Variants in NXPH1 observed in about 807,000 individuals in gnomAD.
The protein encoded by NXPH1 is neurexophilin-1.
A neutral mutation model predicts 23.7 loss-of-function variants in NXPH1; 5 were observed. That is an observed-to-expected ratio of 0.21 (90% CI 0.11 to 0.44). The LOEUF is 0.44. NXPH1 is among the 20% of genes least tolerant of loss of function. The probability of loss-of-function intolerance (pLI) is 0.99; values close to 1 mark genes in which losing one functional copy is unlikely to be tolerated. For synonymous variants in NXPH1, 144 were observed against 122.2 expected (o/e 1.18, Z -1.18); for missense variants, 324 against 321.6 (o/e 1.01, Z -0.06).
chr7:8,685,555 G>A (rs1007974168), intron 2 of NXPH1, among the ~76,000 whole-genome samples: 12 of 151,906 alleles, frequency 7.9e-5, no homozygotes, highest in African/African-American at 1.7e-4. Flanking sequence ...TGTAAACAGC[G>A]CTACACAAAA....
intron 2 of NXPH1, among the ~76,000 whole-genome samples, chr7:8,498,534 T>A (rs1817377300): frequency 6.6e-6 from 1 of 152,122 alleles, no homozygotes; most frequent in Non-Finnish European, 1.5e-5. Flanking sequence ...AATTTCAGGA[T>A]GAGATTGATT....
rs531176482 is a variant in NXPH1, at chr7:8,479,140, T to C, written c.54+43373T>C. 2.0e-4 allele frequency among the ~76,000 whole-genome samples: 30 copies of C among 152,220 alleles called. No homozygotes were observed. The South Asian group carries it at 5.4e-3, about 27-fold the overall frequency. The stretch of plus-strand genomic sequence containing the variant: ...CATATAGTTACTTGTAGAACTAAGA[T>C]TAAATGAGGGTTAAAGATCAAGTAT... On this transcript the variant is annotated intron_variant, in intron 2 of 2. Transcript: ENST00000405863.
intron 2 of NXPH1, among the ~76,000 whole-genome samples, chr7:8,524,156 C>T (rs1026369156): frequency 6.9e-6 from 1 of 145,822 alleles, no homozygotes; most frequent in Non-Finnish European, 1.5e-5. Context: ...GCAGGAGAAT[C>T]GCTTGAACCT....
At chr7:8,593,323 A>T (rs1819143717) in intron 2 of NXPH1, among the ~76,000 whole-genome samples, 1 of 151,942 alleles carries the variant, frequency 6.6e-6, no homozygotes, top group Non-Finnish European at 1.5e-5. Context: ...AATCATATTT[A>T]TATTGCCCAC....
chr7:8,634,775 T>C (rs1369079655), intron 2 of NXPH1, among the ~76,000 whole-genome samples: 2 of 151,180 alleles, frequency 1.3e-5, no homozygotes, highest in African/African-American at 4.9e-5. Flanking sequence ...TATATCTATC[T>C]TCTTACTTAA....
chr7:8,743,238 T>G (rs575119651), intron 2 of NXPH1, among the ~76,000 whole-genome samples: 1 of 152,170 alleles, frequency 6.6e-6, no homozygotes, highest in Non-Finnish European at 1.5e-5. Context: ...TAAATATAAA[T>G]TTTTCAAAGC....
chr7:8,500,138 AG>A (rs1230321611), intron 2 of NXPH1, among the ~76,000 whole-genome samples: 1 of 152,106 alleles, frequency 6.6e-6, no homozygotes, highest in Non-Finnish European at 1.5e-5. Context: ...CCTCGCCATC[AG>A]GTCAAGATCC....
At chr7:8,520,051 A>G (rs1817745602) in intron 2 of NXPH1, among the ~76,000 whole-genome samples, 1 of 152,140 alleles carries the variant, frequency 6.6e-6, no homozygotes. Flanking sequence ...TAATATATAT[A>G]TTTTCATTAT....
intron 2 of NXPH1, among the ~76,000 whole-genome samples, chr7:8,548,668 G>C (rs1334389681): frequency 6.6e-6 from 1 of 151,476 alleles, no homozygotes; most frequent in Non-Finnish European, 1.5e-5. Context: ...CTGATTTATG[G>C]AGTTGGCATT....
intron 2 of NXPH1, among the ~76,000 whole-genome samples, chr7:8,636,533 A>G (rs988566418): frequency 6.6e-6 from 1 of 152,224 alleles, no homozygotes; most frequent in African/African-American, 2.4e-5. Flanking sequence ...TTAAAAAGGA[A>G]AGGGCAAACC....
At chr7:8,572,918 C>T (rs1305179244) in intron 2 of NXPH1, among the ~76,000 whole-genome samples, 1 of 151,640 alleles carries the variant, frequency 6.6e-6, no homozygotes, top group Admixed American at 6.6e-5. Context: ...TCTTAAAATA[C>T]AGGATTTGAA....
At chr7:8,519,394 A>C (rs1283168822) in intron 2 of NXPH1, among the ~76,000 whole-genome samples, 1 of 152,212 alleles carries the variant, frequency 6.6e-6, no homozygotes, top group Non-Finnish European at 1.5e-5. Context: ...AGGATAGCTT[A>C]GCCATGTTGT....
chr7:8,675,756 C>T (rs930094936), intron 2 of NXPH1, among the ~76,000 whole-genome samples: 1 of 152,174 alleles, frequency 6.6e-6, no homozygotes, highest in Admixed American at 6.5e-5. Context: ...TGATACATTC[C>T]CCCAAAAGGA....
chr7:8,692,507 T>G (rs1246699600), intron 2 of NXPH1, among the ~76,000 whole-genome samples: 1 of 152,206 alleles, frequency 6.6e-6, no homozygotes, highest in Non-Finnish European at 1.5e-5. Context: ...TTGTTTCTTT[T>G]TAACAGAACA....
rs975894687 is a variant in NXPH1 at position 8,442,217 on chromosome 7, T to A, written c.54+6450T>A. 6.6e-6 allele frequency among the ~76,000 whole-genome samples: 1 copy of A among 152,212 alleles called. No individual in the cohort carries two copies. ...TGGGGAGGGGGAGACACAGGCCGCA[T>A]CCAGAGCGCATCGCCTCATCTGCAT... On this transcript the variant is annotated intron_variant, in intron 2 of 2. Coordinates refer to ENST00000405863, the MANE Select transcript of NXPH1 (RefSeq NM_152745.3). This position sits in a 1 kb window ranked among gnomAD's most constrained non-coding sequence, Gnocchi z 4.6.
chr7:8,553,599 C>T (rs1408933078), intron 2 of NXPH1, among the ~76,000 whole-genome samples: 5 of 151,568 alleles, frequency 3.3e-5, no homozygotes, highest in Non-Finnish European at 7.4e-5. Flanking sequence ...GTCCAGCAAA[C>T]TTTCTCAGGG....
chr7:8,446,018 C>G (rs1392308341), intron 2 of NXPH1, among the ~76,000 whole-genome samples: 1 of 152,182 alleles, frequency 6.6e-6, no homozygotes, highest in Non-Finnish European at 1.5e-5. Context: ...TTATTAGAGG[C>G]CCATAGGTAT....
In NXPH1 at chr7:8,551,821, A is replaced by AT. The variant is rs1818280479; in HGVS notation, c.54+116060dup. On this transcript the variant is annotated intron_variant, in intron 2 of 2. Coordinates refer to ENST00000405863, the MANE Select transcript of NXPH1 (RefSeq NM_152745.3). ...CAGTGTTGTACAAATATTGTCAAAT[A>AT]TTTTTTCTCCATGTCCAACCATTTT... Among the ~76,000 whole-genome samples, 3 of 151,358 alleles carry AT rather than the reference A, an allele frequency of 2.0e-5. No individual in the cohort carries two copies. The South Asian group carries it at 6.2e-4, about 31-fold the overall frequency.
At chr7:8,460,490 G>A (rs1302316886) in intron 2 of NXPH1, among the ~76,000 whole-genome samples, 1 of 152,182 alleles carries the variant, frequency 6.6e-6, no homozygotes, top group African/African-American at 2.4e-5. Context: ...TCTTTGCATG[G>A]CACTCTCCTT....
Sources: gnomAD v4.1 joint callset for allele counts (sites outside exome capture counted in the v4.1 genomes callset) on GRCh38, gnomAD v4.1.1 for gene constraint, Gnocchi (gnomAD v3.1) non-coding constraint, MANE v1.5 for transcripts, NCBI Gene and HGNC (gene_info 2026-07-23, HGNC 2026-07-21) for gene names.